NRN1L: variants seen among roughly 807,000 people sequenced by gnomAD.
NRN1L encodes the protein neuritin-like protein.
Under a neutral mutation model 8.8 loss-of-function variants are expected in NRN1L, and 12 were observed. The ratio of observed to expected loss-of-function variants is 1.36; its 90% CI spans 0.87 to 2.20. NRN1L has a LOEUF of 2.20. Ranked by LOEUF, NRN1L falls within the 30% of genes most tolerant of loss-of-function variation. The pLI is 0.00. For missense variants in NRN1L, 266 were observed against 232.4 expected (o/e 1.14, Z -0.94); for synonymous variants, 114 against 99.2 (o/e 1.15, Z -0.88).
At chr16:67,885,636 G>A in intron 1 of NRN1L, 86 bp from the exon 2 acceptor site, 2 of 1,110,504 alleles carry the variant, frequency 1.8e-6, no homozygotes, top group Non-Finnish European at 1.3e-6. Context: ...GTGCTCCCAG[G>A]TAAACAAGCC....
chr16:67,886,209 C>A lies in NRN1L; in HGVS notation c.448C>A (p.Leu150Met), dbSNP rs546091809. 3.7e-6 allele frequency: 6 copies of A among 1,600,258 alleles called. No homozygotes were observed. The highest frequency in any genetic ancestry group is 4.5e-5 in the East Asian group (2 of 44,806). Residue 150 changes from leucine (L) to methionine (M), a missense_variant, in exon 3 of 3, where the codon CTG becomes ATG. Physicochemically the swap from Leu to Met is conservative, Grantham distance 15. Transcript: ENST00000339176. ...PALPMAPAPP[L>M]LAAALALAYL... ...ACTCCCCATGGCCCCTGCGCCCCCA[C>A]TGCTGGCGGCTGCTCTGGCTCTGGC...
rs769567907 is a variant in NRN1L at position 67,886,162 on chromosome 16, C to T, written c.401C>T (p.Thr134Met). ...RGTGSETNQE[T>M]LRATAPALPM... ...ACAGGCTCCGAAACCAACCAGGAGA[C>T]GCTGCGGGCTACAGCGCCTGCACTC... The change falls in exon 3 of 3, where the codon ACG (threonine) becomes ATG (methionine). Residue 134 changes from threonine to methionine, a missense_variant. Coordinates refer to ENST00000339176, the MANE Select transcript of NRN1L (RefSeq NM_198443.2). 30 of 1,608,452 alleles carry T rather than the reference C, an allele frequency of 1.9e-5. No individual in the cohort carries two copies. Among genetic ancestry groups the T allele is most frequent in the African/African-American group, 1.1e-4 (8 of 74,906 alleles).
In NRN1L at chr16:67,885,705, C is replaced by T. The variant is rs558526728; in HGVS notation, c.80-17C>T. 2 of 1,354,870 alleles carry T rather than the reference C, an allele frequency of 1.5e-6. No individual in the cohort carries two copies. Among genetic ancestry groups the T allele is most frequent in the African/African-American group, 2.9e-5 (2 of 68,630 alleles). 83.9% of individuals were successfully genotyped at this position (1,354,870 alleles called of 1,614,324 possible). ...ATCTACCATTCCTTCCCCACCCCAC[C>T]CCCGCCCCACTTCTAGTCCTTTTAC... On this transcript the variant is annotated splice_polypyrimidine_tract_variant and intron_variant, in intron 1 of 2. Transcript: ENST00000339176.
At chr16:67,886,422 A>G (rs1598181675), downstream of NRN1L, 1 of 656,822 alleles carries the variant, frequency 1.5e-6, no homozygotes. Flanking sequence ...GGGGCCAGGG[A>G]CTCCTAGAAA....
downstream of NRN1L, among the ~76,000 whole-genome samples, chr16:67,887,104 A>G (rs1275298594): frequency 6.6e-6 from 1 of 152,176 alleles, no homozygotes; most frequent in African/African-American, 2.4e-5. Flanking sequence ...GTGGAAAGGA[A>G]GAGCAAAATC....
downstream of NRN1L, among the ~76,000 whole-genome samples, chr16:67,887,061 C>T (rs905531145): frequency 5.3e-5 from 8 of 152,166 alleles, no homozygotes; most frequent in African/African-American, 1.9e-4. Context: ...GGAACAAGAG[C>T]ATGTGGTGTG....
chr16:67,885,674 C>T (rs770346589), intron 1 of NRN1L, 48 bp from the exon 2 acceptor site: 2 of 1,443,624 alleles, frequency 1.4e-6, no homozygotes, highest in Non-Finnish European at 1.9e-6. Context: ...GAGCCTGGCT[C>T]ATCCTATCTA....
chr16:67,886,040 A>G lies in NRN1L; in HGVS notation c.279A>G (p.Ala93=), dbSNP rs1216049485. Reference sequence around the variant, plus strand: ...CAGGCTGTCCGGAGGAGGCAGCTGCAGTGTGGGAATCACTACAGCAAGAAG... The same window carrying G: ...CAGGCTGTCCGGAGGAGGCAGCTGCGGTGTGGGAATCACTACAGCAAGAAG... ...VLSGCPEEAA[A]VWESLQQEAR... is the part of the protein sequence containing the mutation. Residue 93 remains alanine, a synonymous_variant, in exon 3 of 3, where the codon GCA becomes GCG. Coordinates refer to ENST00000339176, the MANE Select transcript of NRN1L (RefSeq NM_198443.2). 1.2e-6 allele frequency: 2 copies of G among 1,614,012 alleles called. No homozygotes were observed. Among genetic ancestry groups the G allele is most frequent in the Admixed American group, 1.7e-5 (1 of 59,988 alleles).
downstream of NRN1L, among the ~76,000 whole-genome samples, chr16:67,888,499 G>A (rs1567394485): frequency 6.6e-6 from 1 of 152,092 alleles, no homozygotes; most frequent in Non-Finnish European, 1.5e-5. Context: ...ATAGAGCGGG[G>A]CTTGGGGAGG....
At chr16:67,887,295 T>G, downstream of NRN1L, among the ~76,000 whole-genome samples, 1 of 151,918 alleles carries the variant, frequency 6.6e-6, no homozygotes, top group East Asian at 1.9e-4. Context: ...TTCTTTACTT[T>G]TTTTTTTTTT....
chr16:67,885,384 G>A (rs2058091451), intron 1 of NRN1L: 3 of 460,176 alleles, frequency 6.5e-6, no homozygotes, highest in Non-Finnish European at 1.2e-5. Context: ...ACCTGCTCCT[G>A]GTCCGGGGCC....
Position 67,884,888 on chromosome 16 carries a change from A to G in NRN1L, c.-16A>G, listed in dbSNP as rs781167710. On this transcript the variant is annotated 5_prime_UTR_variant, in exon 1 of 3. Coordinates refer to ENST00000339176, the MANE Select transcript of NRN1L (RefSeq NM_198443.2). This position sits in a 1 kb window ranked among gnomAD's most constrained non-coding sequence, Gnocchi z 4.1. ...ACTCCAAGCAGCTAGCTCCTGCACTAGGCTCTCAGCCAGGGATGATGCGCT... is the reference window on the plus strand; with the variant it reads ...ACTCCAAGCAGCTAGCTCCTGCACTGGGCTCTCAGCCAGGGATGATGCGCT... 1 of 1,602,678 alleles carries G rather than the reference A, an allele frequency of 6.2e-7. No homozygotes were observed. The highest frequency in any genetic ancestry group is 1.1e-5 in the South Asian group (1 of 91,052).
downstream of NRN1L, among the ~76,000 whole-genome samples, chr16:67,887,153 G>T (rs959191378): frequency 5.9e-5 from 9 of 152,120 alleles, no homozygotes; most frequent in Admixed American, 5.9e-4. Flanking sequence ...AAAGCCTTCT[G>T]GGGGTAGGAC....
chr16:67,885,712 C>CCCCAAAAAGAG lies in NRN1L; in HGVS notation c.80-9_80-8insCCAAAAAGAGC. 1 of 1,510,480 alleles carries CCCCAAAAAGAG rather than the reference C, an allele frequency of 6.6e-7. No homozygotes were observed. The highest frequency in any genetic ancestry group is 9.0e-7 in the Non-Finnish European group (1 of 1,105,326). The allele number at this position is 1,510,480 out of a possible 1,614,324, so 93.6% of individuals were successfully genotyped here. A position where few individuals can be genotyped will look rare whatever the true frequency, so the allele number is the denominator to read the frequency against. On this transcript the variant is annotated splice_polypyrimidine_tract_variant and intron_variant, in intron 1 of 2. Transcript: ENST00000339176. ...ATTCCTTCCCCACCCCACCCCCGCC[C>CCCCAAAAAGAG]CACTTCTAGTCCTTTTACCTCCCCT...
chr16:67,888,353 T>C (rs2058102457), downstream of NRN1L, among the ~76,000 whole-genome samples: 1 of 152,146 alleles, frequency 6.6e-6, no homozygotes, highest in African/African-American at 2.4e-5. Context: ...ACCCCAGAAG[T>C]CTTCCAGAGC....
rs1212821877 is a variant in NRN1L, at chr16:67,884,910, C to T, written c.7C>T (p.Arg3Cys). The change falls in exon 1 of 3, where the codon CGC becomes TGC. Residue 3 changes from arginine to cysteine, a missense_variant. Arg to Cys is a radical substitution (Grantham distance 180). Coordinates refer to ENST00000339176, the MANE Select transcript of NRN1L (RefSeq NM_198443.2). The surrounding 1 kb of genome is among the most constrained non-coding windows in gnomAD (Gnocchi z 4.1). ...ACTAGGCTCTCAGCCAGGGATGATG[C>T]GCTGCTGCCGCCGCCGCTGCTGCTG... is the stretch of plus-strand genomic sequence containing the variant. MM[R>C]CCRRRCCCRQ... The T allele has an allele frequency of 1.5e-5, 24 of 1,604,748 alleles. No individual in the cohort carries two copies. The highest frequency in any genetic ancestry group is 1.3e-4 in the East Asian group (6 of 44,880).
Position 67,886,085 on chromosome 16 carries a change from G to T in NRN1L, c.324G>T (p.Pro108=). 6.2e-7 allele frequency: 1 copy of T among 1,613,184 alleles called. No individual in the cohort carries two copies. Among genetic ancestry groups the T allele is most frequent in the Non-Finnish European group, 8.5e-7 (1 of 1,179,664 alleles). The change falls in exon 3 of 3, where the codon CCG becomes CCT. Residue 108 remains proline, a synonymous_variant. Coordinates refer to ENST00000339176, the MANE Select transcript of NRN1L (RefSeq NM_198443.2). Reference sequence around the variant, plus strand: ...AAGAAGCTCGCCAGGCCCCCCGTCCGAATAACTTGCACACTCTGTGCGGTG... The same window carrying T: ...AAGAAGCTCGCCAGGCCCCCCGTCCTAATAACTTGCACACTCTGTGCGGTG... The part of the protein sequence containing the change: ...LQQEARQAPR[P]NNLHTLCGAP...
In NRN1L at chr16:67,885,702, C is replaced by T. The variant is rs2058092703; in HGVS notation, c.80-20C>T. ...CCTATCTACCATTCCTTCCCCACCC[C>T]ACCCCCGCCCCACTTCTAGTCCTTT... is the stretch of plus-strand genomic sequence containing the variant. On this transcript the variant is annotated intron_variant, in intron 1 of 2. Coordinates refer to ENST00000339176, the MANE Select transcript of NRN1L (RefSeq NM_198443.2). The T allele has an allele frequency of 3.3e-6, 4 of 1,199,786 alleles. No individual in the cohort carries two copies. Among genetic ancestry groups the T allele is most frequent in the African/African-American group, 3.1e-5 (2 of 65,320 alleles). The allele number at this position is 1,199,786 out of a possible 1,614,324, so 74.3% of individuals were successfully genotyped here. A position where few individuals can be genotyped will look rare whatever the true frequency, so the allele number is the denominator to read the frequency against.
chr16:67,887,257 G>GA (rs1168892465), downstream of NRN1L, among the ~76,000 whole-genome samples: 1 of 151,648 alleles, frequency 6.6e-6, no homozygotes, highest in Non-Finnish European at 1.5e-5. Flanking sequence ...TCTCCTCATT[G>GA]ACTTCTATTA....
Sources: gnomAD v4.1 joint callset for allele counts (sites outside exome capture counted in the v4.1 genomes callset) on GRCh38, gnomAD v4.1.1 for gene constraint, Gnocchi (gnomAD v3.1) non-coding constraint, MANE v1.5 for transcripts, NCBI Gene and HGNC (gene_info 2026-07-23, HGNC 2026-07-21) for gene names.